Variants in NICOL1 observed in about 807,000 individuals in gnomAD.
NICOL1 encodes the protein NELL2 interacting cell ontogeny regulator 1, also known as NELL2-interacting cell ontogeny regulator 1.
At chr4:2,040,039 CAG>C in the NICOL1 span, among the ~76,000 whole-genome samples, 6,653 of 151,474 alleles carry the variant, frequency 0.044, 251 homozygotes, top group African/African-American at 0.1. Context: ...GCAAGTATGA[CAG>C]AGAGAGAGAG....
At chr4:2,039,161 C>T in the NICOL1 span, among the ~76,000 whole-genome samples, 1 of 152,012 alleles carries the variant, frequency 6.6e-6, no homozygotes, top group African/African-American at 2.4e-5. Flanking sequence ...TGCCTGTAGT[C>T]CCAGTACTTC....
At chr4:2,039,126 C>T in the NICOL1 span, among the ~76,000 whole-genome samples, 4 of 152,146 alleles carry the variant, frequency 2.6e-5, no homozygotes, top group Non-Finnish European at 5.9e-5. Flanking sequence ...CAAAAGAATA[C>T]ATTATGGCTG....
the NICOL1 span, among the ~76,000 whole-genome samples, chr4:2,040,218 T>C: frequency 3.3e-5 from 5 of 152,216 alleles, no homozygotes; most frequent in African/African-American, 1.2e-4. Context: ...ATGATTCTCC[T>C]GCCTCAGCCT....
the NICOL1 span, among the ~76,000 whole-genome samples, chr4:2,040,614 G>A: frequency 6.6e-5 from 10 of 152,330 alleles, no homozygotes; most frequent in Non-Finnish European, 1.3e-4. Flanking sequence ...TCTTGGCTCC[G>A]AGTGGAGAAG....
the NICOL1 span, chr4:2,042,166 G>C: frequency 6.2e-6 from 9 of 1,453,824 alleles, no homozygotes; most frequent in Non-Finnish European, 7.2e-6. Flanking sequence ...CTGGAGTCGG[G>C]GAACCGGAGG....
At chr4:2,037,274 T>C in the NICOL1 span, among the ~76,000 whole-genome samples, 1,449 of 152,314 alleles carry the variant, frequency 9.5e-3, 21 homozygotes, top group African/African-American at 0.033. Context: ...TACCCCGTCT[T>C]AGCAGAGATG....
the NICOL1 span, chr4:2,042,456 G>A: frequency 6.1e-5 from 26 of 427,248 alleles, no homozygotes; most frequent in Non-Finnish European, 1.2e-5. Context: ...CCCGCGCCGA[G>A]CCCGCCGGGA....
the NICOL1 span, among the ~76,000 whole-genome samples, chr4:2,043,623 G>T: frequency 6.6e-6 from 1 of 152,196 alleles, no homozygotes; most frequent in Non-Finnish European, 1.5e-5. Flanking sequence ...CTGGAAGAAG[G>T]CAGGTGGGCA....
the NICOL1 span, among the ~76,000 whole-genome samples, chr4:2,043,076 C>T: frequency 6.6e-6 from 1 of 152,186 alleles, no homozygotes; most frequent in African/African-American, 2.4e-5. Context: ...TCTCACTGGG[C>T]ACTTTGTCCT....
At chr4:2,043,837 C>G in the NICOL1 span, 2 of 1,545,946 alleles carry the variant, frequency 1.3e-6, no homozygotes, top group South Asian at 2.4e-5. Context: ...GGGCTGCACC[C>G]TCACCCCTCT....
chr4:2,042,206 G>A, the NICOL1 span: 34 of 1,405,912 alleles, frequency 2.4e-5, no homozygotes, highest in Non-Finnish European at 3.0e-5. Flanking sequence ...CCCGGGGTGG[G>A]TGGGTCCAGG....
the NICOL1 span, chr4:2,041,630 C>G: frequency 4.4e-6 from 1 of 225,892 alleles, no homozygotes; most frequent in Non-Finnish European, 8.6e-6. Context: ...GGACCCCACT[C>G]GCCCGCGGTC....
the NICOL1 span, among the ~76,000 whole-genome samples, chr4:2,043,096 A>G: frequency 6.6e-6 from 1 of 151,912 alleles, no homozygotes; most frequent in Non-Finnish European, 1.5e-5. Context: ...TATGACCGCC[A>G]CTCCTGAGGG....
chr4:2,038,277 A>ATATATATATG, the NICOL1 span, among the ~76,000 whole-genome samples: 1 of 107,714 alleles, frequency 9.3e-6, no homozygotes, highest in Admixed American at 9.6e-5. Flanking sequence ...ATATATATAT[A>ATATATATATG]TATATATAAA....
At chr4:2,042,914 A>T in the NICOL1 span, 1 of 845,468 alleles carries the variant, frequency 1.2e-6, no homozygotes, top group Non-Finnish European at 1.7e-6. Context: ...GCGGGAGTGG[A>T]GTGTCCCTCA....
chr4:2,036,992 G>C, the NICOL1 span, among the ~76,000 whole-genome samples: 4 of 152,116 alleles, frequency 2.6e-5, no homozygotes, highest in Non-Finnish European at 5.9e-5. Flanking sequence ...CTGATCCCCA[G>C]TGTTGGAGGA....
the NICOL1 span, chr4:2,042,518 G>A: frequency 2.4e-6 from 1 of 422,084 alleles, no homozygotes; most frequent in Admixed American, 4.4e-5. Context: ...GGGGAGCGGG[G>A]CGGGGCTGGC....
the NICOL1 span, chr4:2,043,847 T>G: frequency 1.3e-6 from 2 of 1,548,838 alleles, no homozygotes; most frequent in African/African-American, 1.4e-5. Flanking sequence ...CTCACCCCTC[T>G]TGTTGCTTTG....
the NICOL1 span, among the ~76,000 whole-genome samples, chr4:2,040,655 G>A: frequency 2.6e-5 from 4 of 152,180 alleles, no homozygotes; most frequent in African/African-American, 9.7e-5. Flanking sequence ...CCCGACACTC[G>A]GGAGGGCCGC....
Sources: allele counts gnomAD v4.1 joint callset (sites outside exome capture counted in the v4.1 genomes callset), GRCh38; gene constraint gnomAD v4.1.1; transcripts MANE v1.5; gene names NCBI Gene and HGNC (gene_info 2026-07-23, HGNC 2026-07-21).